ME1: variants seen among roughly 807,000 people sequenced by gnomAD.
The protein encoded by ME1 is NADP-dependent malic enzyme.
A neutral mutation model predicts 66.4 loss-of-function variants in ME1; 74 were observed. The observed-to-expected ratio is 1.11, with a 90% CI of 0.92 to 1.35. The LOEUF (loss-of-function observed/expected upper bound fraction) is 1.35, where lower values mean the gene tolerates loss of function less well. Among genes scored for constraint, ME1 ranks in the 40% most tolerant of loss-of-function variants. The pLI, the probability that ME1 is intolerant of heterozygous loss-of-function variation, is 0.00. For missense variants in ME1, 750 were observed against 694.1 expected (o/e 1.08, Z -0.90); for synonymous variants, 251 against 235.6 (o/e 1.07, Z -0.60).
intron 3 of ME1, among the ~76,000 whole-genome samples, chr6:83,362,533 G>C (rs2128546107): frequency 6.6e-6 from 1 of 152,316 alleles, no homozygotes; most frequent in South Asian, 2.1e-4. Flanking sequence ...TCAGCAACAT[G>C]TACTTCCGCT....
intron 6 of ME1, among the ~76,000 whole-genome samples, chr6:83,287,674 T>A (rs908146058): frequency 1.3e-5 from 2 of 152,212 alleles, no homozygotes; most frequent in Non-Finnish European, 2.9e-5. Context: ...CACTCAGTAA[T>A]GGGAAAGCTG....
chr6:83,351,257 T>C (rs1487671233), intron 4 of ME1, among the ~76,000 whole-genome samples: 4 of 152,108 alleles, frequency 2.6e-5, no homozygotes, highest in Non-Finnish European at 5.9e-5. Flanking sequence ...TTTAAAAAGA[T>C]CATTAACGGA....
At chr6:83,285,467 A>G (rs1767379023) in intron 6 of ME1, among the ~76,000 whole-genome samples, 1 of 152,222 alleles carries the variant, frequency 6.6e-6, no homozygotes, top group South Asian at 2.1e-4. Context: ...GAAGACAGAT[A>G]ATAAATAAGA....
chr6:83,365,579 G>A (rs1225283501), intron 3 of ME1, among the ~76,000 whole-genome samples: 2 of 152,200 alleles, frequency 1.3e-5, no homozygotes, highest in Non-Finnish European at 2.9e-5. Context: ...TTTACTGTTG[G>A]CTGGGTGCAG....
intron 7 of ME1, among the ~76,000 whole-genome samples, chr6:83,252,185 G>GTCTTATT (rs1790736173): frequency 6.6e-6 from 1 of 152,170 alleles, no homozygotes; most frequent in Admixed American, 6.5e-5. Flanking sequence ...GTCAGGTTTG[G>GTCTTATT]TGGGGAAATA....
At chr6:83,427,703 G>T (rs1770399364) in intron 1 of ME1, among the ~76,000 whole-genome samples, 1 of 151,818 alleles carries the variant, frequency 6.6e-6, no homozygotes, top group African/African-American at 2.4e-5. Context: ...GACAATCAAA[G>T]AAATAAGAAA....
At chr6:83,297,145 A>G (rs1767612116) in intron 6 of ME1, among the ~76,000 whole-genome samples, 1 of 152,166 alleles carries the variant, frequency 6.6e-6, no homozygotes, top group Non-Finnish European at 1.5e-5. Flanking sequence ...GTACCTGCAC[A>G]TAAAAATACA....
chr6:83,379,058 T>G (rs996234096), intron 3 of ME1, among the ~76,000 whole-genome samples: 1 of 152,140 alleles, frequency 6.6e-6, no homozygotes, highest in East Asian at 1.9e-4. Context: ...ATAAAATGAA[T>G]TTCATTAGTG....
At chr6:83,392,416 A>G (rs1484014189) in intron 3 of ME1, 3 of 493,230 alleles carry the variant, frequency 6.1e-6, no homozygotes, top group African/African-American at 2.3e-5. Context: ...CTGAGACACC[A>G]TGGTGAAGGT....
intron 3 of ME1, chr6:83,392,985 C>T: frequency 1.1e-6 from 1 of 898,818 alleles, no homozygotes; most frequent in South Asian, 1.4e-5. Context: ...CTATGGGAAA[C>T]TGTGGGGTGA....
chr6:83,399,747 A>C (rs1199405865), intron 2 of ME1, among the ~76,000 whole-genome samples: 1 of 152,240 alleles, frequency 6.6e-6, no homozygotes, highest in Non-Finnish European at 1.5e-5. Context: ...AGAATCTTGC[A>C]AAACTACTCA....
At chr6:83,331,008 G>A (rs1262371793) in intron 5 of ME1, among the ~76,000 whole-genome samples, 4 of 152,144 alleles carry the variant, frequency 2.6e-5, no homozygotes, top group South Asian at 2.1e-4. Flanking sequence ...ATCAACCAGA[G>A]GCCAGACTAA....
intron 1 of ME1, among the ~76,000 whole-genome samples, chr6:83,408,261 T>G (rs1406920404): frequency 6.6e-6 from 1 of 152,200 alleles, no homozygotes; most frequent in Non-Finnish European, 1.5e-5. Flanking sequence ...GATTTTAAAA[T>G]TATGAATGTG....
At chr6:83,241,700 G>C (rs1038567341) in intron 7 of ME1, among the ~76,000 whole-genome samples, 18 of 152,054 alleles carry the variant, frequency 1.2e-4, no homozygotes. Context: ...TTTCATTGCA[G>C]AGAAGGGAAT....
chr6:83,286,197 T>G (rs2128533982), intron 6 of ME1, among the ~76,000 whole-genome samples: 1 of 152,292 alleles, frequency 6.6e-6, no homozygotes, highest in East Asian at 1.9e-4. Flanking sequence ...AATAAGTTAC[T>G]CTGTGCCTCT....
chr6:83,255,811 C>T (rs547782890), intron 6 of ME1, among the ~76,000 whole-genome samples: 1 of 152,196 alleles, frequency 6.6e-6, no homozygotes, highest in East Asian at 1.9e-4. Flanking sequence ...CACACACACA[C>T]TTACTCTTCA....
chr6:83,263,243 C>T (rs1023010082), intron 6 of ME1, among the ~76,000 whole-genome samples: 1 of 152,300 alleles, frequency 6.6e-6, no homozygotes, highest in South Asian at 2.1e-4. Flanking sequence ...CTCTCTCCTT[C>T]TCCTCAAACC....
intron 3 of ME1, among the ~76,000 whole-genome samples, chr6:83,371,439 C>T (rs1449819674): frequency 2.2e-4 from 34 of 152,188 alleles, no homozygotes; most frequent in Admixed American, 2.2e-3. Flanking sequence ...CAGAGACTCA[C>T]ATGCATATGC....
chr6:83,329,333 T>C (rs567032711), intron 5 of ME1, among the ~76,000 whole-genome samples: 5 of 152,306 alleles, frequency 3.3e-5, no homozygotes, highest in East Asian at 3.9e-4. Context: ...TTTGGGATGA[T>C]AGCATAGAGT....
Sources: allele counts gnomAD v4.1 joint callset (sites outside exome capture counted in the v4.1 genomes callset), GRCh38; gene constraint gnomAD v4.1.1; transcripts MANE v1.5; gene names NCBI Gene and HGNC (gene_info 2026-07-23, HGNC 2026-07-21).